The following LAMA3 variants were observed in gnomAD, a reference collection of about 807,000 sequenced individuals.
The protein encoded by LAMA3 is laminin subunit alpha 3, also known as laminin subunit alpha-3.
A neutral mutation model predicts 402.0 loss-of-function variants in LAMA3; 281 were observed. The ratio of observed to expected loss-of-function variants is 0.70; its 90% CI spans 0.63 to 0.77. The LOEUF (loss-of-function observed/expected upper bound fraction) is 0.77, where lower values mean the gene tolerates loss of function less well. Among genes scored for constraint, LAMA3 ranks in the 30% least tolerant of loss-of-function variants. LAMA3 has a pLI of 0.00. For missense variants in LAMA3, 3,840 were observed against 4,215.5 expected (o/e 0.91, Z 2.47); for synonymous variants, 1,431 against 1,558.4 (o/e 0.92, Z 1.93).
chr18:23,846,577 G>T, intron 31 of LAMA3, 69 bp downstream of exon 31: 1 of 1,413,374 alleles, frequency 7.1e-7, no homozygotes, highest in Non-Finnish European at 9.7e-7. Flanking sequence ...CCAGGAGCAG[G>T]CTTCTTCAGT....
rs1308266610 is a variant in LAMA3 at position 23,892,472 on chromosome 18, A to G, written c.5411-1826A>G. Among the ~76,000 whole-genome samples, 5 of 152,200 alleles carry G rather than the reference A, an allele frequency of 3.3e-5. No homozygotes were observed. The East Asian group carries it at 9.6e-4, about 29-fold the overall frequency. The stretch of plus-strand genomic sequence containing the variant: ...GTTAGGAAAATTCCACTAATAAATC[A>G]ATCATCCAGAGAAGCCTAGTCCCCC... On this transcript the variant is annotated intron_variant, in intron 42 of 74. Transcript: ENST00000313654.
chr18:23,782,568 T>C (rs1373237775), intron 11 of LAMA3, among the ~76,000 whole-genome samples: 5 of 152,090 alleles, frequency 3.3e-5, no homozygotes, highest in Non-Finnish European at 2.9e-5. Context: ...AATAAATAAA[T>C]AAATAAAAAG....
intron 34 of LAMA3, among the ~76,000 whole-genome samples, chr18:23,859,304 C>A (rs2064159231): frequency 6.6e-6 from 1 of 152,162 alleles, no homozygotes; most frequent in Admixed American, 6.5e-5. Flanking sequence ...ACTAAAAATT[C>A]TCTGATTCTC....
chr18:23,762,679 A>G (rs73396359), intron 7 of LAMA3, among the ~76,000 whole-genome samples: 2,903 of 151,884 alleles, frequency 0.019, 84 homozygotes, highest in African/African-American at 0.065. Flanking sequence ...ATTTCAGTGT[A>G]CCTTCCTTTG....
intron 19 of LAMA3, 90 bp from the exon 20 acceptor site, chr18:23,822,162 G>C (rs781661047): frequency 7.0e-7 from 1 of 1,428,228 alleles, no homozygotes; most frequent in East Asian, 2.3e-5. Flanking sequence ...AAGTCCAGTA[G>C]TGACACTTGA....
chr18:23,842,953 C>T (rs2063737392), intron 29 of LAMA3, among the ~76,000 whole-genome samples: 1 of 152,214 alleles, frequency 6.6e-6, no homozygotes, highest in Non-Finnish European at 1.5e-5. Flanking sequence ...GGAACTAGGA[C>T]AGAAGAGAGT....
At chr18:23,950,384 G>A (rs977786371) in intron 72 of LAMA3, among the ~76,000 whole-genome samples, 1 of 152,194 alleles carries the variant, frequency 6.6e-6, no homozygotes. Flanking sequence ...GGGCTGAATT[G>A]CAGGTCCAGC....
intron 62 of LAMA3, among the ~76,000 whole-genome samples, chr18:23,924,987 T>C (rs1178322134): frequency 6.6e-6 from 1 of 152,216 alleles, no homozygotes; most frequent in Non-Finnish European, 1.5e-5. Context: ...CTCATCCCTG[T>C]GGTGAAGTCT....
chr18:23,899,604 G>A, intron 47 of LAMA3, 149 bp downstream of exon 47: 1 of 828,240 alleles, frequency 1.2e-6, no homozygotes, highest in East Asian at 2.7e-5. Flanking sequence ...GGTGAAAATT[G>A]GTAGCCCCCA....
At chr18:23,717,531 C>T (rs1598637340) in intron 2 of LAMA3, among the ~76,000 whole-genome samples, 4 of 132,316 alleles carry the variant, frequency 3.0e-5, no homozygotes, top group East Asian at 2.2e-4. Context: ...ACATTACCTT[C>T]TGGACTTGAT....
chr18:23,768,436 G>A (rs2062126043), intron 8 of LAMA3, among the ~76,000 whole-genome samples: 1 of 152,166 alleles, frequency 6.6e-6, no homozygotes, highest in South Asian at 2.1e-4. Context: ...AAACCACAAT[G>A]AGATATCATC....
At chr18:23,901,439 C>T (rs750366546) in intron 48 of LAMA3, 116 bp downstream of exon 48, 18 of 816,272 alleles carry the variant, frequency 2.2e-5, no homozygotes, top group Admixed American at 1.4e-4. Context: ...CATTATACCA[C>T]CTCAGACCCA....
intron 5 of LAMA3, 55 bp from the exon 6 acceptor site, chr18:23,753,662 AAGAG>A (rs2061791079): frequency 7.6e-7 from 1 of 1,307,832 alleles, no homozygotes. Flanking sequence ...AAAGACTAGT[AAGAG>A]AAAGTTTTTG....
chr18:23,741,017 G>A (rs1359812125), intron 2 of LAMA3, among the ~76,000 whole-genome samples: 2 of 151,396 alleles, frequency 1.3e-5, no homozygotes, highest in Non-Finnish European at 2.9e-5. Context: ...GCAGTGGTGC[G>A]ACCTTGGTTC....
In LAMA3 at chr18:23,732,147, G is replaced by A. The variant is rs534959735; in HGVS notation, c.448-15796G>A. Among the ~76,000 whole-genome samples the A allele has an allele frequency of 7.2e-5, 11 of 152,224 alleles. No individual in the cohort carries two copies. The East Asian group carries it at 7.7e-4, about 11-fold the overall frequency. ...CTGATTCACAAGGTGTGGCTGTGCC[G>A]GTAGATCCTGCATTTCTAAGATGCC... is the stretch of plus-strand genomic sequence containing the variant. On this transcript the variant is annotated intron_variant, in intron 2 of 74. Transcript: ENST00000313654.
At chr18:23,710,726 C>G (rs1788775) in intron 1 of LAMA3, among the ~76,000 whole-genome samples, 120,625 of 151,934 alleles carry the variant, frequency 0.79, 48,681 homozygotes, top group African/African-American at 0.95. Context: ...AAAGAAAGGA[C>G]AAGGAATACT....
intron 6 of LAMA3, among the ~76,000 whole-genome samples, chr18:23,754,455 T>C (rs1405797605): frequency 6.6e-6 from 1 of 152,238 alleles, no homozygotes; most frequent in Middle Eastern, 3.2e-3. Context: ...ATCACTTATT[T>C]CACTTAGCAT....
At chr18:23,732,620 G>T (rs1468591505) in intron 2 of LAMA3, among the ~76,000 whole-genome samples, 1 of 152,038 alleles carries the variant, frequency 6.6e-6, no homozygotes. Flanking sequence ...AAACTCCCTC[G>T]CATTGGCTCT....
At chr18:23,950,312 A>G (rs2082864299) in intron 72 of LAMA3, among the ~76,000 whole-genome samples, 153 bp downstream of exon 72, 1 of 152,218 alleles carries the variant, frequency 6.6e-6, no homozygotes, top group Admixed American at 6.5e-5. Flanking sequence ...TCCTTTAGCA[A>G]GTAATTTTAT....
Sources: allele counts gnomAD v4.1 joint callset (sites outside exome capture counted in the v4.1 genomes callset), GRCh38; gene constraint gnomAD v4.1.1; transcripts MANE v1.5; gene names NCBI Gene and HGNC (gene_info 2026-07-23, HGNC 2026-07-21).